OR51E2: variants seen among roughly 807,000 people sequenced by gnomAD.
OR51E2 encodes the protein olfactory receptor 51E2.
In OR51E2, 14 loss-of-function variants were observed where a neutral mutation model predicts 13.7. The observed-to-expected ratio is 1.02, with a 90% CI of 0.68 to 1.60. The LOEUF is 1.60. Ranked by LOEUF, OR51E2 falls within the 40% of genes most tolerant of loss-of-function variation. The pLI is 0.00. For synonymous variants in OR51E2, 180 were observed against 157.6 expected (o/e 1.14, Z -1.07); for missense variants, 483 against 413.8 (o/e 1.17, Z -1.45).
chr11:4,696,406 C>T (rs958605870), intron 1 of OR51E2, among the ~76,000 whole-genome samples: 2 of 152,082 alleles, frequency 1.3e-5, no homozygotes, highest in African/African-American at 4.8e-5. Flanking sequence ...TCTCTCTCAT[C>T]CCTTACATAT....
chr11:4,683,164 T>A (rs2133245144), intron 1 of OR51E2, among the ~76,000 whole-genome samples: 1 of 152,322 alleles, frequency 6.6e-6, no homozygotes, highest in South Asian at 2.1e-4. Context: ...CTATTATTCA[T>A]TCATTCCAGA....
At chr11:4,690,150 T>C (rs1405047621) in intron 1 of OR51E2, among the ~76,000 whole-genome samples, 1 of 151,420 alleles carries the variant, frequency 6.6e-6, no homozygotes, top group Non-Finnish European at 1.5e-5. Context: ...GGAGTCAGTC[T>C]GCATGGATGT....
intron 1 of OR51E2, among the ~76,000 whole-genome samples, chr11:4,684,050 A>G (rs1309588136): frequency 1.3e-5 from 2 of 152,218 alleles, no homozygotes; most frequent in Non-Finnish European, 2.9e-5. Context: ...GCCTTAATGT[A>G]GAGGGGTTAG....
chr11:4,682,787 A>C, intron 1 of OR51E2, 26 bp from the exon 2 acceptor site: 1 of 1,505,224 alleles, frequency 6.6e-7, no homozygotes, highest in Non-Finnish European at 9.0e-7. Context: ...GCACAATCAG[A>C]GAATGCCCTG....
At chr11:4,694,448 G>C (rs188908566) in intron 1 of OR51E2, among the ~76,000 whole-genome samples, 8 of 150,704 alleles carry the variant, frequency 5.3e-5, no homozygotes, top group African/African-American at 1.7e-4. Context: ...GAAACACTTA[G>C]TTCAGTTCAA....
At chr11:4,689,029 A>G (rs1338474272) in intron 1 of OR51E2, among the ~76,000 whole-genome samples, 1 of 152,204 alleles carries the variant, frequency 6.6e-6, no homozygotes, top group Non-Finnish European at 1.5e-5. Flanking sequence ...GCAGTGGGAT[A>G]AGTCTGAACT....
In OR51E2 at chr11:4,682,603, C is replaced by A. The variant is rs1390483340; in HGVS notation, c.109G>T (p.Ala37Ser). Reference sequence around the variant, plus strand: ...ACCACGATGCAGTTTCCAAACATTGCCACTACATACATGGAAAGGAGGGGG... The same window carrying A: ...ACCACGATGCAGTTTCCAAACATTGACACTACATACATGGAAAGGAGGGGG... ...GFPLLSMYVV[A>S]MFGNCIVVFI... Residue 37 changes from alanine to serine, a missense_variant, in exon 2 of 2, where the codon GCA becomes TCA. Coordinates refer to ENST00000396950, the MANE Select transcript of OR51E2 (RefSeq NM_030774.4). 5.0e-6 allele frequency: 8 copies of A among 1,614,032 alleles called. No individual in the cohort carries two copies. The highest frequency in any genetic ancestry group is 1.7e-5 in the Admixed American group (1 of 59,996).
intron 1 of OR51E2, 139 bp from the exon 2 acceptor site, chr11:4,682,900 T>C (rs941334997): frequency 6.7e-6 from 4 of 596,000 alleles, no homozygotes; most frequent in African/African-American, 1.9e-5. Context: ...CTGTGACAGA[T>C]CAAATTCATT....
intron 1 of OR51E2, chr11:4,691,521 A>G (rs1277703544): frequency 2.2e-6 from 1 of 456,976 alleles, no homozygotes; most frequent in Non-Finnish European, 4.4e-6. Context: ...GAAATAGTAC[A>G]TTGGTTCGTG....
At chr11:4,690,742 C>G in intron 1 of OR51E2, 1 of 387,388 alleles carries the variant, frequency 2.6e-6, no homozygotes, top group South Asian at 2.0e-5. Flanking sequence ...CCATCTAGTG[C>G]TAGAATTCTA....
intron 1 of OR51E2, among the ~76,000 whole-genome samples, chr11:4,696,321 C>T (rs537744813): frequency 9.9e-5 from 15 of 152,106 alleles, no homozygotes; most frequent in Middle Eastern, 3.2e-3. Flanking sequence ...ACATCGAACT[C>T]TAGTAAATCA....
intron 1 of OR51E2, among the ~76,000 whole-genome samples, chr11:4,689,841 G>A: frequency 6.6e-6 from 1 of 151,906 alleles, no homozygotes; most frequent in African/African-American, 2.4e-5. Flanking sequence ...ATGAAGATTT[G>A]ATTTGGGCTT....
chr11:4,693,985 G>A (rs1847620467), intron 1 of OR51E2, among the ~76,000 whole-genome samples: 1 of 152,010 alleles, frequency 6.6e-6, no homozygotes, highest in African/African-American at 2.4e-5. Flanking sequence ...AAGTACAGAG[G>A]GGCTCCATTT....
intron 1 of OR51E2, among the ~76,000 whole-genome samples, chr11:4,695,306 GT>G (rs1847642895): frequency 6.6e-6 from 1 of 152,024 alleles, no homozygotes; most frequent in Non-Finnish European, 1.5e-5. Flanking sequence ...TTAGTATCTT[GT>G]TTAGTGCCAT....
chr11:4,691,090 T>A (rs1847572283), intron 1 of OR51E2: 1 of 456,612 alleles, frequency 2.2e-6, no homozygotes, highest in Non-Finnish European at 4.4e-6. Context: ...GTAGAGAACA[T>A]GGCAGTCAGC....
At chr11:4,685,140 C>T (rs1847500858) in intron 1 of OR51E2, 1 of 152,182 alleles carries the variant, frequency 6.6e-6, no homozygotes, top group Admixed American at 6.6e-5. Flanking sequence ...TAATGCCACT[C>T]AGAAAGCCCA....
Position 4,690,020 on chromosome 11 carries a change from T to C in OR51E2, c.-50-7259A>G, listed in dbSNP as rs1480916169. On this transcript the variant is annotated intron_variant, in intron 1 of 1. Coordinates refer to ENST00000396950, the MANE Select transcript of OR51E2 (RefSeq NM_030774.4). ...CATATAAGTACATAATTTATAAATA[T>C]AAGTTTATATATATAAGTTCATATA... 2.7e-5 allele frequency among the ~76,000 whole-genome samples: 4 copies of C among 147,874 alleles called. 1 individual carries two copies. The South Asian group carries it at 6.3e-4, about 23-fold the overall frequency.
rs768726943 is a variant in OR51E2 at position 4,681,904 on chromosome 11, T to G, written c.808A>C (p.Ile270Leu). Reference sequence around the variant, plus strand: ...ATGTCACCCATGACAACACGCACAATGGGATGAAGGCTGTTTCCAAAGCGG... The same window carrying G: ...ATGTCACCCATGACAACACGCACAAGGGGATGAAGGCTGTTTCCAAAGCGG... ...VHRFGNSLHP[I>L]VRVVMGDIYL... is the part of the protein sequence containing the mutation. The change falls in exon 2 of 2, where the codon ATT becomes CTT. Residue 270 changes from isoleucine to leucine, a missense_variant. Ile to Leu is a conservative substitution (Grantham distance 5). Coordinates refer to ENST00000396950, the MANE Select transcript of OR51E2 (RefSeq NM_030774.4). The G allele has an allele frequency of 1.1e-5, 17 of 1,613,900 alleles. No homozygotes were observed. The South Asian group carries it at 1.6e-4, about 16-fold the overall frequency.
At chr11:4,687,373 GT>G (rs1294154376) in intron 1 of OR51E2, among the ~76,000 whole-genome samples, 1 of 152,158 alleles carries the variant, frequency 6.6e-6, no homozygotes, top group Non-Finnish European at 1.5e-5. Context: ...GACAAAGCAA[GT>G]TTTATGTTGG....
Sources: gnomAD v4.1 joint callset for allele counts (sites outside exome capture counted in the v4.1 genomes callset) on GRCh38, gnomAD v4.1.1 for gene constraint, MANE v1.5 for transcripts, NCBI Gene and HGNC (gene_info 2026-07-23, HGNC 2026-07-21) for gene names.